The following PRKCQ variants were observed in gnomAD, a reference collection of about 807,000 sequenced individuals.
PRKCQ encodes protein kinase C theta.
Under a neutral mutation model 91.2 loss-of-function variants are expected in PRKCQ, and 41 were observed. That is an observed-to-expected ratio of 0.45 (90% CI 0.35 to 0.58). PRKCQ has a LOEUF of 0.58. Among genes scored for constraint, PRKCQ ranks in the 20% least tolerant of loss-of-function variants. The pLI is 0.00. For missense variants in PRKCQ, 673 were observed against 896.5 expected (o/e 0.75, Z 3.18); for synonymous variants, 307 against 316.9 (o/e 0.97, Z 0.33).
At chr10:6,495,058 G>A (rs1837516176) in intron 7 of PRKCQ, among the ~76,000 whole-genome samples, 1 of 152,142 alleles carries the variant, frequency 6.6e-6, no homozygotes, top group Non-Finnish European at 1.5e-5. Context: ...GGCAAATCCA[G>A]TCATTTCTAA....
intron 1 of PRKCQ, among the ~76,000 whole-genome samples, chr10:6,540,421 T>C (rs1028100400): frequency 2.0e-5 from 3 of 152,146 alleles, no homozygotes; most frequent in Non-Finnish European, 2.9e-5. Flanking sequence ...TGATAACTGC[T>C]CGTCTACTTT....
intron 1 of PRKCQ, among the ~76,000 whole-genome samples, chr10:6,562,705 A>G (rs1840679868): frequency 6.6e-6 from 1 of 152,232 alleles, no homozygotes; most frequent in African/African-American, 2.4e-5. Context: ...TTAAGAACAC[A>G]GATCATGGCA....
At chr10:6,556,537 G>A (rs1410061182) in intron 1 of PRKCQ, among the ~76,000 whole-genome samples, 7 of 151,842 alleles carry the variant, frequency 4.6e-5, no homozygotes, top group Non-Finnish European at 8.8e-5. Flanking sequence ...ACTGAAAGGA[G>A]AGGGAAATGG....
intron 15 of PRKCQ, among the ~76,000 whole-genome samples, chr10:6,455,008 CA>C (rs1834932793): frequency 2.0e-5 from 3 of 152,132 alleles, no homozygotes; most frequent in Admixed American, 2.0e-4. Context: ...AGGAATACAT[CA>C]GAGTAAGGCA....
intron 14 of PRKCQ, 77 bp downstream of exon 14, chr10:6,462,226 C>T: frequency 1.5e-6 from 2 of 1,342,062 alleles, no homozygotes; most frequent in South Asian, 2.4e-5. Flanking sequence ...TGTCTCACAG[C>T]ACTCGGTGCA....
At chr10:6,473,990 A>T (rs550264589) in intron 12 of PRKCQ, among the ~76,000 whole-genome samples, 1 of 152,340 alleles carries the variant, frequency 6.6e-6, no homozygotes, top group Non-Finnish European at 1.5e-5. Context: ...CTTAGGAAGC[A>T]AAAAAGGAGA....
At chr10:6,495,469 G>T (rs1401181599) in intron 7 of PRKCQ, among the ~76,000 whole-genome samples, 1 of 152,202 alleles carries the variant, frequency 6.6e-6, no homozygotes, top group Non-Finnish European at 1.5e-5. Context: ...TCACTCTTCA[G>T]CTGTCAGTTT....
At chr10:6,417,320 A>C in the PRKCQ span, among the ~76,000 whole-genome samples, 1 of 152,228 alleles carries the variant, frequency 6.6e-6, no homozygotes, top group Non-Finnish European at 1.5e-5. Context: ...CTTGTTTTTC[A>C]GATTTGTGTC....
intron 1 of PRKCQ, among the ~76,000 whole-genome samples, chr10:6,541,790 C>T (rs1321689376): frequency 6.6e-6 from 1 of 152,196 alleles, no homozygotes; most frequent in Non-Finnish European, 1.5e-5. Context: ...ATTCTCTTTG[C>T]ATTGATTCTT....
At chr10:6,559,266 G>C (rs773403542) in intron 1 of PRKCQ, among the ~76,000 whole-genome samples, 1 of 152,108 alleles carries the variant, frequency 6.6e-6, no homozygotes, top group Non-Finnish European at 1.5e-5. Context: ...AAGAGCCCTG[G>C]TCCCAGCCCT....
intron 16 of PRKCQ, among the ~76,000 whole-genome samples, chr10:6,436,483 A>G (rs1483750615): frequency 6.6e-6 from 1 of 152,152 alleles, no homozygotes; most frequent in African/African-American, 2.4e-5. Context: ...ATGTGCAGAT[A>G]TGGGCAACCT....
At chr10:6,521,525 A>G (rs1194847344) in intron 1 of PRKCQ, among the ~76,000 whole-genome samples, 1 of 152,230 alleles carries the variant, frequency 6.6e-6, no homozygotes, top group Admixed American at 6.5e-5. Context: ...AAATGGGCAA[A>G]TACACACAAG....
chr10:6,483,573 GGA>G lies in PRKCQ; in HGVS notation c.1044_1045del (p.Pro349ValfsTer3). ...GCACATTTTATCCACCTCATCCAAC[GGA>G]GACTCCCAGGAAATGCCCTGAGGCT... On this transcript the variant is annotated frameshift_variant, in exon 11 of 18. Coordinates refer to ENST00000263125, the MANE Select transcript of PRKCQ (RefSeq NM_006257.5). LOFTEE classifies it high-confidence loss of function. 6.2e-7 allele frequency: 1 copy of G among 1,614,142 alleles called. No homozygotes were observed. Among genetic ancestry groups the G allele is most frequent in the Non-Finnish European group, 8.5e-7 (1 of 1,180,018 alleles).
At chr10:6,535,211 T>A (rs1839536509) in intron 1 of PRKCQ, among the ~76,000 whole-genome samples, 1 of 152,192 alleles carries the variant, frequency 6.6e-6, no homozygotes, top group Non-Finnish European at 1.5e-5. Context: ...CCAGTTTTGA[T>A]AACATTTGGT....
chr10:6,445,787 A>C (rs919358600), intron 15 of PRKCQ, among the ~76,000 whole-genome samples: 3 of 152,252 alleles, frequency 2.0e-5, no homozygotes, highest in Non-Finnish European at 4.4e-5. Context: ...GGAGAATGAT[A>C]AGGAAATATA....
chr10:6,419,175 ACTT>A, the PRKCQ span, among the ~76,000 whole-genome samples: 1 of 150,482 alleles, frequency 6.6e-6, no homozygotes, highest in Non-Finnish European at 1.5e-5. Context: ...TTAACTATCT[ACTT>A]CTGTCTATCT....
chr10:6,484,557 G>T (rs562564330), intron 10 of PRKCQ, among the ~76,000 whole-genome samples: 9 of 152,250 alleles, frequency 5.9e-5, no homozygotes, highest in African/African-American at 2.2e-4. Context: ...AAACATAAGA[G>T]AAATTTTTAG....
intron 1 of PRKCQ, among the ~76,000 whole-genome samples, chr10:6,540,548 G>A (rs1422165173): frequency 3.9e-5 from 6 of 152,144 alleles, no homozygotes; most frequent in East Asian, 1.9e-4. Flanking sequence ...CATCTGTGTC[G>A]TAGCAGGTGT....
At chr10:6,419,055 CTATG>C in the PRKCQ span, among the ~76,000 whole-genome samples, 2 of 152,122 alleles carry the variant, frequency 1.3e-5, no homozygotes, top group East Asian at 1.9e-4. Flanking sequence ...CTATCTCTAT[CTATG>C]TATCATCTAT....
Sources: allele counts gnomAD v4.1 joint callset (sites outside exome capture counted in the v4.1 genomes callset), GRCh38; gene constraint gnomAD v4.1.1; transcripts MANE v1.5; gene names NCBI Gene and HGNC (gene_info 2026-07-23, HGNC 2026-07-21).